The following BMPER variants were observed in gnomAD, a reference collection of about 807,000 sequenced individuals.
The protein encoded by BMPER is BMP binding endothelial regulator, also known as BMP-binding endothelial regulator protein.
In BMPER, 45 loss-of-function variants were observed where a neutral mutation model predicts 87.3. The observed-to-expected ratio is 0.52, with a 90% CI of 0.41 to 0.66. The LOEUF is 0.66. Ranked by LOEUF, BMPER falls within the 30% of genes least tolerant of loss-of-function variation. The pLI is 0.00. For synonymous variants in BMPER, 326 were observed against 316.2 expected, an observed-to-expected ratio of 1.03 and a Z score of -0.33; for missense variants, 784 against 867.5, an observed-to-expected ratio of 0.90 and a Z score of 1.21.
intron 6 of BMPER, among the ~76,000 whole-genome samples, chr7:34,026,788 T>G (rs1454909798): frequency 2.0e-5 from 3 of 152,122 alleles, no homozygotes; most frequent in Non-Finnish European, 4.4e-5. Context: ...TACTTCATTT[T>G]TTACCCACAC....
intron 8 of BMPER, among the ~76,000 whole-genome samples, chr7:34,054,119 T>C (rs755993654): frequency 6.6e-6 from 1 of 152,206 alleles, no homozygotes; most frequent in Non-Finnish European, 1.5e-5. Flanking sequence ...ACATTATAAT[T>C]GCAATTTGCT....
At chr7:34,032,571 C>T (rs540068884) in intron 6 of BMPER, among the ~76,000 whole-genome samples, 3 of 152,200 alleles carry the variant, frequency 2.0e-5, no homozygotes, top group Middle Eastern at 3.4e-3. Flanking sequence ...TACACAGATT[C>T]GTAGCTTTTT....
chr7:33,940,491 C>T (rs970652276), intron 3 of BMPER, among the ~76,000 whole-genome samples: 2 of 152,206 alleles, frequency 1.3e-5, no homozygotes, highest in South Asian at 4.1e-4. Context: ...CCCCTCAGAT[C>T]TGAGTGTTCA....
intron 6 of BMPER, among the ~76,000 whole-genome samples, chr7:34,014,592 A>G (rs1480595868): frequency 6.6e-6 from 1 of 151,892 alleles, no homozygotes; most frequent in Admixed American, 6.6e-5. Context: ...GTGCCTGGCC[A>G]GGACCGTGGA....
At chr7:33,969,191 T>G (rs1002027189) in intron 4 of BMPER, among the ~76,000 whole-genome samples, 5 of 152,254 alleles carry the variant, frequency 3.3e-5, no homozygotes, top group Admixed American at 3.3e-4. Context: ...ATTTGTTATA[T>G]TTGTTTTCAT....
At chr7:33,984,822 A>G (rs60329765) in intron 6 of BMPER, among the ~76,000 whole-genome samples, 4,092 of 152,104 alleles carry the variant, frequency 0.027, 160 homozygotes, top group African/African-American at 0.093. Context: ...TCATCCTTTT[A>G]TTTTCTCTAA....
At chr7:33,958,278 C>T (rs1317851456) in intron 3 of BMPER, among the ~76,000 whole-genome samples, 1 of 152,136 alleles carries the variant, frequency 6.6e-6, no homozygotes, top group African/African-American at 2.4e-5. Context: ...GGGCTGAATC[C>T]CATTGCAAAA....
At chr7:34,103,366 C>T (rs945716315) in intron 13 of BMPER, among the ~76,000 whole-genome samples, 2 of 152,184 alleles carry the variant, frequency 1.3e-5, no homozygotes, top group African/African-American at 4.8e-5. Flanking sequence ...CCAGGCATCA[C>T]ATTTATCAGT....
chr7:34,012,404 T>C (rs1320913072), intron 6 of BMPER, among the ~76,000 whole-genome samples: 2 of 151,970 alleles, frequency 1.3e-5, no homozygotes, highest in Admixed American at 6.6e-5. Flanking sequence ...GCATTAATCA[T>C]AGGGCAAATA....
chr7:34,092,334 C>A (rs867354679), intron 13 of BMPER, among the ~76,000 whole-genome samples: 1 of 152,156 alleles, frequency 6.6e-6, no homozygotes, highest in Non-Finnish European at 1.5e-5. Flanking sequence ...GTCTCTTGGA[C>A]CCCCTGGTTC....
chr7:34,081,080 C>T (rs1027516578), intron 12 of BMPER, among the ~76,000 whole-genome samples: 1 of 152,046 alleles, frequency 6.6e-6, no homozygotes, highest in African/African-American at 2.4e-5. Context: ...CTGTAGCACA[C>T]GAATCACACA....
intron 6 of BMPER, among the ~76,000 whole-genome samples, chr7:33,992,368 G>C (rs1432238235): frequency 7.3e-6 from 1 of 136,970 alleles, no homozygotes; most frequent in Non-Finnish European, 1.6e-5. Flanking sequence ...TTACCATTAT[G>C]TAATGGCCTT....
intron 6 of BMPER, among the ~76,000 whole-genome samples, chr7:33,979,298 T>C (rs1264641783): frequency 1.3e-5 from 2 of 151,484 alleles, no homozygotes; most frequent in East Asian, 4.0e-4. Flanking sequence ...TTTCTTCTGC[T>C]TGTTCACCTG....
At chr7:34,117,540 A>G (rs1386253809) in intron 13 of BMPER, among the ~76,000 whole-genome samples, 1 of 152,264 alleles carries the variant, frequency 6.6e-6, no homozygotes, top group Non-Finnish European at 1.5e-5. Flanking sequence ...GGGAGAGACC[A>G]TAAAACCATT....
At chr7:34,068,412 GAAGGACCTTAA>G (rs1788651725) in intron 11 of BMPER, among the ~76,000 whole-genome samples, 1 of 152,220 alleles carries the variant, frequency 6.6e-6, no homozygotes, top group Admixed American at 6.5e-5. Flanking sequence ...GGAGACTGGC[GAAGGACCTTAA>G]GAGGAATTTC....
chr7:34,132,606 A>T (rs997417966), intron 13 of BMPER, among the ~76,000 whole-genome samples: 1 of 152,224 alleles, frequency 6.6e-6, no homozygotes, highest in Non-Finnish European at 1.5e-5. Context: ...GAGTAGAATT[A>T]TGATGAGATG....
At chr7:34,052,472 CTAAT>C (rs1335349397) in intron 8 of BMPER, among the ~76,000 whole-genome samples, 2 of 152,174 alleles carry the variant, frequency 1.3e-5, no homozygotes, top group African/African-American at 4.8e-5. Context: ...AACCAGAAGT[CTAAT>C]TACTGCTAAA....
At chr7:33,933,235 G>A (rs761445676) in intron 2 of BMPER, among the ~76,000 whole-genome samples, 10 of 152,096 alleles carry the variant, frequency 6.6e-5, no homozygotes, top group Admixed American at 4.6e-4. Flanking sequence ...TTCATTTAAT[G>A]TGCCTCCAGA....
rs1789206247 is a variant in BMPER, at chr7:34,086,227, A to G, written c.1745+135A>G. The G allele has an allele frequency of 3.9e-6, 4 of 1,021,270 alleles. No homozygotes were observed. The Admixed American group carries it at 8.3e-5, about 21-fold the overall frequency. 63.3% of individuals were successfully genotyped at this position (1,021,270 alleles called of 1,614,324 possible). On this transcript the variant is annotated intron_variant, in intron 13 of 14. Transcript: ENST00000649409. ...CAGGGTAGGCATCTTCTTGCTGTCC[A>G]GGAGCTGATCTCATCTTGAGTCAGC... is the stretch of plus-strand genomic sequence containing the variant.
Sources: gnomAD v4.1 joint callset for allele counts (sites outside exome capture counted in the v4.1 genomes callset) on GRCh38, gnomAD v4.1.1 for gene constraint, MANE v1.5 for transcripts, NCBI Gene and HGNC (gene_info 2026-07-23, HGNC 2026-07-21) for gene names.